Variants in ERVFRD-1 observed in about 807,000 individuals in gnomAD.
ERVFRD-1 encodes the protein syncytin-2.
A neutral mutation model predicts 43.8 loss-of-function variants in ERVFRD-1; 33 were observed. The ratio of observed to expected loss-of-function variants is 0.75; its 90% CI spans 0.57 to 1.01. The LOEUF (loss-of-function observed/expected upper bound fraction) is 1.01, where lower values mean the gene tolerates loss of function less well. ERVFRD-1 is among the 50% of genes least tolerant of loss of function. The probability of loss-of-function intolerance (pLI) is 0.00; values close to 1 mark genes in which losing one functional copy is unlikely to be tolerated. For synonymous variants in ERVFRD-1, 239 were observed against 244.4 expected (o/e 0.98, Z 0.21); for missense variants, 568 against 658.4 (o/e 0.86, Z 1.50).
Position 11,105,414 on chromosome 6 carries a change from A to T in ERVFRD-1, c.-104T>A, listed in dbSNP as rs982071636. ...GATAACAATCAGAGCAATTGCCAGT[A>T]AAATTTCTAGTATTGGGATCACCTT... On this transcript the variant is annotated 5_prime_UTR_variant, in exon 2 of 2. Coordinates refer to ENST00000472091, the MANE Select transcript of ERVFRD-1 (RefSeq NM_207582.3). 5 of 821,774 alleles carry T rather than the reference A, an allele frequency of 6.1e-6. No individual in the cohort carries two copies. The highest frequency in any genetic ancestry group is 9.5e-6 in the Non-Finnish European group (5 of 524,582). The allele number at this position is 821,774 out of a possible 1,614,324, so 50.9% of individuals were successfully genotyped here.
intron 1 of ERVFRD-1, among the ~76,000 whole-genome samples, chr6:11,106,092 A>C (rs1362111238): frequency 6.6e-6 from 1 of 152,198 alleles, no homozygotes; most frequent in East Asian, 1.9e-4. Context: ...TGTCCAGGGC[A>C]CTACTAACCT....
rs770816762 is a variant in ERVFRD-1, at chr6:11,105,079, A to C, written c.232T>G (p.Trp78Gly). The C allele has an allele frequency of 8.7e-6, 14 of 1,614,092 alleles. No individual in the cohort carries two copies. The highest frequency in any genetic ancestry group is 1.6e-4 in the Middle Eastern group (1 of 6,084). Residue 78 changes from tryptophan (W) to glycine (G), a missense_variant, in exon 2 of 2, where the codon TGG becomes GGG. By Grantham distance (184) the Trp-to-Gly change is radical (BLOSUM62 -2). Coordinates refer to ENST00000472091, the MANE Select transcript of ERVFRD-1 (RefSeq NM_207582.3). Reference sequence around the variant, plus strand: ...ATCAGTCCTTTCAGATTAGGGTCCCATCGATAGGAAATATGTAATTCCGCC... The same window carrying C: ...ATCAGTCCTTTCAGATTAGGGTCCCCTCGATAGGAAATATGTAATTCCGCC... ...IEAELHISYR[W>G]DPNLKGLMRP...
chr6:11,109,001 G>A (rs1758131045), intron 1 of ERVFRD-1, among the ~76,000 whole-genome samples: 1 of 152,168 alleles, frequency 6.6e-6, no homozygotes, highest in African/African-American at 2.4e-5. Context: ...TCAGATAGAG[G>A]AACATGTGGG....
In ERVFRD-1 at chr6:11,104,885, A is replaced by G; in HGVS notation, c.426T>C (p.Ser142=). The G allele has an allele frequency of 6.2e-7, 1 of 1,614,228 alleles. No individual in the cohort carries two copies. The highest frequency in any genetic ancestry group is 8.5e-7 in the Non-Finnish European group (1 of 1,180,042). ...KNGTNVGTLP[S]TVCNVTFTVD... is the part of the protein sequence containing the mutation. ...CAGTGAAAGTAACATTACAGACTGT[A>G]CTTGGAAGAGTGCCTACATTTGTTC... The change falls in exon 2 of 2, where the codon AGT becomes AGC. Residue 142 remains serine, a synonymous_variant. Coordinates refer to ENST00000472091, the MANE Select transcript of ERVFRD-1 (RefSeq NM_207582.3).
rs889328913 is a variant in ERVFRD-1 at position 11,103,452 on chromosome 6, T to C, written c.*242A>G. 24 of 511,064 alleles carry C rather than the reference T, an allele frequency of 4.7e-5. No individual in the cohort carries two copies. The highest frequency in any genetic ancestry group is 7.2e-5 in the Non-Finnish European group (22 of 306,484). The allele number at this position is 511,064 out of a possible 1,614,324, so 31.7% of individuals were successfully genotyped here. A position where few individuals can be genotyped will look rare whatever the true frequency, so the allele number is the denominator to read the frequency against. On this transcript the variant is annotated 3_prime_UTR_variant, in exon 2 of 2. Coordinates refer to ENST00000472091, the MANE Select transcript of ERVFRD-1 (RefSeq NM_207582.3). ...CTGACTAGCTACCTGCTCCAACATT[T>C]CCCCCCCTCAAGAGTCCAAGACCCA...
chr6:11,104,574 G>C lies in ERVFRD-1; in HGVS notation c.737C>G (p.Ala246Gly). Residue 246 changes from alanine to glycine, a missense_variant, in exon 2 of 2, where the codon GCT becomes GGT. Physicochemically the swap from Ala to Gly is moderately conservative, Grantham distance 60 (BLOSUM62 0). Transcript: ENST00000472091. ...GACGCAGGGTGTTTGGCTCTGGTTA[G>C]CTCCCTTGGTTTTATTTTCCCAAAA... is the stretch of plus-strand genomic sequence containing the variant. Reference protein sequence around the residue: ...SLFWENKTKGANQSQTPCVQV... With the variant: ...SLFWENKTKGGNQSQTPCVQV... 1 of 1,610,774 alleles carries C rather than the reference G, an allele frequency of 6.2e-7. No homozygotes were observed.
In ERVFRD-1 at chr6:11,104,326, C is replaced by G. The variant is rs372835920; in HGVS notation, c.985G>C (p.Ala329Pro). Reference sequence around the variant, plus strand: ...ATTGGAAGAGAGAGATTGCCAGGGGCTATGAAGATGTCTGGGGTTACATAG... The same window carrying G: ...ATTGGAAGAGAGAGATTGCCAGGGGGTATGAAGATGTCTGGGGTTACATAG... ...IGYVTPDIFI[A>P]PGNLSLPIPI... Residue 329 changes from alanine to proline, a missense_variant, in exon 2 of 2, where the codon GCC becomes CCC. Ala to Pro is a conservative substitution (Grantham distance 27). Coordinates refer to ENST00000472091, the MANE Select transcript of ERVFRD-1 (RefSeq NM_207582.3). 5.8e-6 allele frequency: 9 copies of G among 1,551,572 alleles called. No individual in the cohort carries two copies. Among genetic ancestry groups the G allele is most frequent in the Non-Finnish European group, 7.0e-6 (8 of 1,147,004 alleles).
intron 1 of ERVFRD-1, among the ~76,000 whole-genome samples, chr6:11,107,022 G>A (rs535945822): frequency 2.0e-5 from 3 of 152,138 alleles, no homozygotes; most frequent in Non-Finnish European, 4.4e-5. Flanking sequence ...AGAGGTCCCC[G>A]GGGACAGAGC....
chr6:11,107,904 A>G (rs1467663318), intron 1 of ERVFRD-1, among the ~76,000 whole-genome samples: 1 of 152,186 alleles, frequency 6.6e-6, no homozygotes, highest in Non-Finnish European at 1.5e-5. Context: ...AGCTAGAAGG[A>G]TTCTTGGGCT....
chr6:11,103,904 A>G lies in ERVFRD-1; in HGVS notation c.1407T>C (p.Gly469=). The stretch of plus-strand genomic sequence containing the variant: ...TCCAAGTTCCTTCCCAATTTAACCA[A>G]CCCTGAGTGGCTCGTTCCCGTAAAC... The part of the protein sequence containing the change: ...ASSLRERATQ[G]WLNWEGTWKW... The change falls in exon 2 of 2, where the codon GGT becomes GGC. Residue 469 remains glycine (G), a synonymous_variant. Transcript: ENST00000472091. The G allele has an allele frequency of 6.4e-7, 1 of 1,551,608 alleles. No individual in the cohort carries two copies. Among genetic ancestry groups the G allele is most frequent in the Non-Finnish European group, 8.7e-7 (1 of 1,146,992 alleles).
intron 1 of ERVFRD-1, among the ~76,000 whole-genome samples, chr6:11,109,089 TAGCC>T (rs781583074): frequency 2.0e-4 from 30 of 152,304 alleles, no homozygotes; most frequent in Admixed American, 6.5e-4. Flanking sequence ...CCCCACAGGG[TAGCC>T]ACCAGTGTCA....
At chr6:11,107,125 T>A (rs528395016) in intron 1 of ERVFRD-1, among the ~76,000 whole-genome samples, 9 of 152,340 alleles carry the variant, frequency 5.9e-5, no homozygotes, top group South Asian at 2.1e-4. Context: ...GAAAACCGTA[T>A]GTCATGTGGA....
In ERVFRD-1 at chr6:11,103,505, G is replaced by T; in HGVS notation, c.*189C>A. Reference sequence around the variant, plus strand: ...TATCTGGGAAAATGGACGAAGGTCAGTCTTCTTTAACTGCTTCCTGCTGAC... The same window carrying T: ...TATCTGGGAAAATGGACGAAGGTCATTCTTCTTTAACTGCTTCCTGCTGAC... On this transcript the variant is annotated 3_prime_UTR_variant, in exon 2 of 2. Coordinates refer to ENST00000472091, the MANE Select transcript of ERVFRD-1 (RefSeq NM_207582.3). 6.1e-6 allele frequency: 5 copies of T among 818,932 alleles called. No homozygotes were observed. Among genetic ancestry groups the T allele is most frequent in the Non-Finnish European group, 8.9e-6 (5 of 563,566 alleles). The allele number at this position is 818,932 out of a possible 1,614,324, so 50.7% of individuals were successfully genotyped here.
chr6:11,105,518 G>A lies in ERVFRD-1; in HGVS notation c.-208C>T, dbSNP rs1288472599. ...GGAATTTTAGATCTTCCAGTGCCTT[G>A]CAAGTGTATTCCGGAGCTGAGGTTG... On this transcript the variant is annotated 5_prime_UTR_variant, in exon 2 of 2. Coordinates refer to ENST00000472091, the MANE Select transcript of ERVFRD-1 (RefSeq NM_207582.3). 2 of 545,024 alleles carry A rather than the reference G, an allele frequency of 3.7e-6. No individual in the cohort carries two copies. Among genetic ancestry groups the A allele is most frequent in the Non-Finnish European group, 6.7e-6 (2 of 297,536 alleles). The allele number at this position is 545,024 out of a possible 1,614,324, so 33.8% of individuals were successfully genotyped here.
chr6:11,107,543 G>A (rs1758104912), intron 1 of ERVFRD-1, among the ~76,000 whole-genome samples: 1 of 152,226 alleles, frequency 6.6e-6, no homozygotes, highest in Non-Finnish European at 1.5e-5. Context: ...CAGGTGAGCT[G>A]TTGACTCCTT....
At position 11,104,307 on chromosome 6, in the gene ERVFRD-1, A is replaced by G. The variant is rs1351142850; in HGVS notation, c.1004T>C (p.Leu335Pro). Residue 335 changes from leucine (L) to proline (P), a missense_variant, in exon 2 of 2, where the codon CTT becomes CCT. Coordinates refer to ENST00000472091, the MANE Select transcript of ERVFRD-1 (RefSeq NM_207582.3). The part of the protein sequence containing the change: ...DIFIAPGNLS[L>P]PIPIYGNSPL... ...GGAATTCCCATAGATTGGTATTGGA[A>G]GAGAGAGATTGCCAGGGGCTATGAA... The G allele has an allele frequency of 4.5e-6, 7 of 1,551,696 alleles. No individual in the cohort carries two copies. The highest frequency in any genetic ancestry group is 5.2e-6 in the Non-Finnish European group (6 of 1,146,988).
At chr6:11,110,097 C>T (rs1190944143) in intron 1 of ERVFRD-1, among the ~76,000 whole-genome samples, 5 of 152,262 alleles carry the variant, frequency 3.3e-5, no homozygotes, top group East Asian at 1.9e-4. Flanking sequence ...AGAACAGAGG[C>T]GAGAAGAGGG....
rs1484831124 is a variant in ERVFRD-1, at chr6:11,105,511, G to A, written c.-201C>T. 1.8e-6 allele frequency: 1 copy of A among 559,866 alleles called. No individual in the cohort carries two copies. The highest frequency in any genetic ancestry group is 3.3e-6 in the Non-Finnish European group (1 of 306,538). The allele number at this position is 559,866 out of a possible 1,614,324, so 34.7% of individuals were successfully genotyped here. On this transcript the variant is annotated 5_prime_UTR_variant, in exon 2 of 2. Transcript: ENST00000472091. ...TTAAAGAGGAATTTTAGATCTTCCA[G>A]TGCCTTGCAAGTGTATTCCGGAGCT... is the stretch of plus-strand genomic sequence containing the variant.
In ERVFRD-1 at chr6:11,104,618, G is replaced by A; in HGVS notation, c.693C>T (p.Asp231=). Residue 231 remains aspartate (D), a synonymous_variant, in exon 2 of 2, where the codon GAC becomes GAT. Transcript: ENST00000472091. ...CCCAAAAAAGAGAATTTCGAGTTTG[G>A]TCCAATAGAACCCATTCCGCTGTAG... ...LSSTAEWVLL[D]QTRNSLFWEN... 1 of 1,614,178 alleles carries A rather than the reference G, an allele frequency of 6.2e-7. No homozygotes were observed. Among genetic ancestry groups the A allele is most frequent in the Non-Finnish European group, 8.5e-7 (1 of 1,180,034 alleles).
Sources: allele counts gnomAD v4.1 joint callset (sites outside exome capture counted in the v4.1 genomes callset), GRCh38; gene constraint gnomAD v4.1.1; transcripts MANE v1.5; gene names NCBI Gene and HGNC (gene_info 2026-07-23, HGNC 2026-07-21).